The following ZPBP variants were observed in gnomAD, a reference collection of about 807,000 sequenced individuals.
ZPBP encodes the protein zona pellucida-binding protein 1.
A neutral mutation model predicts 44.8 loss-of-function variants in ZPBP; 26 were observed. The ratio of observed to expected loss-of-function variants is 0.58; its 90% CI spans 0.43 to 0.81. The LOEUF is 0.81. Ranked by LOEUF, ZPBP falls within the 30% of genes least tolerant of loss-of-function variation. The pLI is 0.00. For synonymous variants in ZPBP, 174 were observed against 153.2 expected (o/e 1.14, Z -1.00); for missense variants, 409 against 434.0 (o/e 0.94, Z 0.51).
At chr7:49,886,315 G>C (rs1010635871) in intron 2 of ZPBP, among the ~76,000 whole-genome samples, 1 of 151,356 alleles carries the variant, frequency 6.6e-6, no homozygotes, top group Non-Finnish European at 1.5e-5. Context: ...ATTTGGAAGC[G>C]CAAAATTCAC....
At chr7:50,029,508 A>T (rs1799494054) in intron 5 of ZPBP, among the ~76,000 whole-genome samples, 1 of 152,228 alleles carries the variant, frequency 6.6e-6, no homozygotes, top group Non-Finnish European at 1.5e-5. Context: ...TGGGCATCAG[A>T]GGATATTATT....
the ZPBP span, among the ~76,000 whole-genome samples, chr7:49,845,011 G>A: frequency 2.0e-5 from 3 of 152,094 alleles, no homozygotes; most frequent in African/African-American, 7.2e-5. Context: ...TCATTTTTGG[G>A]CTTCACTTTT....
intron 2 of ZPBP, among the ~76,000 whole-genome samples, chr7:49,862,841 C>T (rs750635201): frequency 1.3e-5 from 2 of 151,858 alleles, no homozygotes; most frequent in Non-Finnish European, 2.9e-5. Flanking sequence ...GATGTATAAT[C>T]CTTTTAATAT....
At chr7:49,846,848 C>T (rs2128715024), downstream of ZPBP, among the ~76,000 whole-genome samples, 1 of 152,292 alleles carries the variant, frequency 6.6e-6, no homozygotes, top group South Asian at 2.1e-4. Flanking sequence ...AAGTAGGTTC[C>T]TAATCACTCT....
chr7:49,889,291 C>A (rs145483103), intron 2 of ZPBP, among the ~76,000 whole-genome samples: 4 of 152,294 alleles, frequency 2.6e-5, no homozygotes, highest in African/African-American at 9.6e-5. Context: ...ACTTAGGCTT[C>A]TATTGTGAAG....
chr7:49,937,015 C>T (rs1209246261), downstream of ZPBP, among the ~76,000 whole-genome samples: 9 of 151,950 alleles, frequency 5.9e-5, no homozygotes, highest in Admixed American at 3.9e-4. Context: ...TTAAAAAATC[C>T]ACAGGGTGGT....
intron 1 of ZPBP, among the ~76,000 whole-genome samples, chr7:49,904,288 AT>A (rs1262182428): frequency 1.3e-5 from 2 of 152,082 alleles, no homozygotes; most frequent in African/African-American, 4.8e-5. Flanking sequence ...TGCCTAAGTG[AT>A]TTCTTCTTCA....
intron 2 of ZPBP, among the ~76,000 whole-genome samples, chr7:49,869,136 A>G (rs1791030390): frequency 6.6e-6 from 1 of 152,234 alleles, no homozygotes; most frequent in African/African-American, 2.4e-5. Flanking sequence ...AACACTAGTT[A>G]TGTGCTTAAA....
chr7:49,938,097 C>G (rs1177664913), intron 7 of ZPBP, among the ~76,000 whole-genome samples: 1 of 152,126 alleles, frequency 6.6e-6, no homozygotes, highest in Non-Finnish European at 1.5e-5. Context: ...AGGACATAGA[C>G]CAGTACTGTT....
At chr7:50,087,922 G>C (rs1380625219) in intron 2 of ZPBP, among the ~76,000 whole-genome samples, 1 of 151,930 alleles carries the variant, frequency 6.6e-6, no homozygotes, top group Non-Finnish European at 1.5e-5. Flanking sequence ...TGCAGAAATT[G>C]ACAAGCTGAT....
chr7:49,998,724 T>C (rs1226233434), intron 6 of ZPBP, among the ~76,000 whole-genome samples: 1 of 152,080 alleles, frequency 6.6e-6, no homozygotes, highest in Admixed American at 6.6e-5. Context: ...GAGTGATTAG[T>C]ATCTTTAAAT....
intron 3 of ZPBP, among the ~76,000 whole-genome samples, chr7:50,066,885 G>A (rs76824174): frequency 3.8e-4 from 58 of 152,226 alleles, no homozygotes; most frequent in African/African-American, 1.1e-3. Flanking sequence ...CGGGTCGGGC[G>A]ATCTGGGTCT....
intron 7 of ZPBP, among the ~76,000 whole-genome samples, chr7:49,953,086 T>C (rs188594641): frequency 6.6e-6 from 1 of 152,262 alleles, no homozygotes; most frequent in Admixed American, 6.5e-5. Flanking sequence ...ATTAGTAAAC[T>C]AACTTCCATA....
intron 1 of ZPBP, among the ~76,000 whole-genome samples, chr7:50,090,605 G>A (rs1054149304): frequency 1.3e-5 from 2 of 150,450 alleles, no homozygotes; most frequent in Non-Finnish European, 3.0e-5. Flanking sequence ...GTATATATGC[G>A]TATATATGTG....
At chr7:50,064,973 G>A (rs1397964265) in intron 3 of ZPBP, among the ~76,000 whole-genome samples, 1 of 152,190 alleles carries the variant, frequency 6.6e-6, no homozygotes, top group Non-Finnish European at 1.5e-5. Flanking sequence ...GTAAAGACAG[G>A]AATAAGAAAT....
At chr7:49,949,004 G>GGA (rs1795219507) in intron 7 of ZPBP, among the ~76,000 whole-genome samples, 1 of 152,092 alleles carries the variant, frequency 6.6e-6, no homozygotes, top group Non-Finnish European at 1.5e-5. Flanking sequence ...AGGCCCCTAA[G>GGA]GAGATAAATT....
chr7:49,996,158 T>C (rs1797829790), intron 6 of ZPBP, among the ~76,000 whole-genome samples: 1 of 152,186 alleles, frequency 6.6e-6, no homozygotes, highest in African/African-American at 2.4e-5. Context: ...TTAAAGACTT[T>C]CTATTTTCCT....
intron 4 of ZPBP, among the ~76,000 whole-genome samples, chr7:50,041,471 A>T (rs1221106920): frequency 6.6e-6 from 1 of 152,196 alleles, no homozygotes; most frequent in Non-Finnish European, 1.5e-5. Flanking sequence ...AACAGGCAGC[A>T]ATCTTTGCTG....
intron 6 of ZPBP, among the ~76,000 whole-genome samples, chr7:50,011,901 T>C (rs900474930): frequency 2.0e-5 from 3 of 151,612 alleles, no homozygotes; most frequent in African/African-American, 7.3e-5. Context: ...AATACAAAAA[T>C]TGGCCGGGCA....
Sources: allele counts gnomAD v4.1 joint callset (sites outside exome capture counted in the v4.1 genomes callset), GRCh38; gene constraint gnomAD v4.1.1; transcripts MANE v1.5; gene names NCBI Gene and HGNC (gene_info 2026-07-23, HGNC 2026-07-21).